UGT1A10: variants seen among roughly 807,000 people sequenced by gnomAD.
UGT1A10 encodes the protein UDP-glucuronosyltransferase 1A10.
UGT1A10 carries 49 observed loss-of-function variants against 45.8 expected under a neutral mutation model. The observed-to-expected ratio is 1.07, with a 90% CI of 0.85 to 1.36. UGT1A10 has a LOEUF of 1.36. UGT1A10 is among the 40% of genes most tolerant of loss of function. The pLI, the probability that UGT1A10 is intolerant of heterozygous loss-of-function variation, is 0.00. For missense variants in UGT1A10, 745 were observed against 668.6 expected (o/e 1.11, Z -1.26); for synonymous variants, 284 against 249.7 (o/e 1.14, Z -1.29).
In UGT1A10 at chr2:233,720,871, A is replaced by ATTTT. The variant is rs60621337; in HGVS notation, c.856-46147_856-46144dup. Among the ~76,000 whole-genome samples, 199 of 132,762 alleles carry ATTTT rather than the reference A, an allele frequency of 1.5e-3. 2 individuals carry two copies. Among genetic ancestry groups the ATTTT allele is most frequent in the African/African-American group, 3.9e-3 (137 of 34,978 alleles). 87.1% of individuals were successfully genotyped at this position (132,762 alleles called of 152,430 possible). On this transcript the variant is annotated intron_variant, in intron 1 of 4. Coordinates refer to ENST00000344644, the MANE Select transcript of UGT1A10 (RefSeq NM_019075.4). Reference sequence around the variant, plus strand: ...CAGGCATGTGCCACTGCTCCTGGCAATTTTTTTTTTTTTTTTTTTAGTAGA... The same window carrying ATTTT: ...CAGGCATGTGCCACTGCTCCTGGCAATTTTTTTTTTTTTTTTTTTTTTTAGTAGA...
chr2:233,712,950 C>A (rs2076262788), intron 1 of UGT1A10: 1 of 1,612,726 alleles, frequency 6.2e-7, no homozygotes, highest in South Asian at 1.1e-5. Context: ...CTAGGAGGCA[C>A]AACGTGGGGT....
At chr2:233,663,946 T>C (rs1398623476) in intron 1 of UGT1A10, among the ~76,000 whole-genome samples, 1 of 152,220 alleles carries the variant, frequency 6.6e-6, no homozygotes, top group East Asian at 1.9e-4. Context: ...AGTCATTTCT[T>C]TGTCCTTGCA....
At chr2:233,711,505 T>G (rs1445955965) in intron 1 of UGT1A10, among the ~76,000 whole-genome samples, 1 of 152,204 alleles carries the variant, frequency 6.6e-6, no homozygotes, top group Non-Finnish European at 1.5e-5. Context: ...AATCCCTTTC[T>G]AGCGCTCTGT....
Position 233,747,171 on chromosome 2 carries a change from A to G in UGT1A10, c.856-19863A>G, listed in dbSNP as rs1693579128. The G allele has an allele frequency of 1.1e-5, 18 of 1,596,132 alleles. No homozygotes were observed. In the South Asian group the frequency reaches 1.8e-4, roughly 16 times the overall value. ...GATGAAGAAAACAAATGTAGGAGGC[A>G]CAGCGTGGGGTGGACAGTCAGCTGT... On this transcript the variant is annotated intron_variant, in intron 1 of 4. Coordinates refer to ENST00000344644, the MANE Select transcript of UGT1A10 (RefSeq NM_019075.4).
intron 1 of UGT1A10, among the ~76,000 whole-genome samples, chr2:233,643,341 G>A (rs1208963023): frequency 6.6e-6 from 1 of 152,062 alleles, no homozygotes; most frequent in Non-Finnish European, 1.5e-5. Context: ...TGCCACCCCT[G>A]GCCATGGACA....
intron 1 of UGT1A10, chr2:233,672,531 T>C (rs756293491): frequency 6.2e-6 from 10 of 1,613,970 alleles, no homozygotes; most frequent in Middle Eastern, 1.7e-4. Flanking sequence ...GGTTCTCAGA[T>C]GCCATGACTT....
intron 1 of UGT1A10, chr2:233,672,112 C>T (rs754927853): frequency 2.5e-6 from 4 of 1,613,982 alleles, no homozygotes; most frequent in Non-Finnish European, 2.5e-6. Flanking sequence ...TGTAGTCATG[C>T]CAGAGGTGAG....
In UGT1A10 at chr2:233,760,429, C is replaced by G. The variant is rs747942373; in HGVS notation, c.856-6605C>G. 87 of 1,614,090 alleles carry G rather than the reference C, an allele frequency of 5.4e-5. No homozygotes were observed. The highest frequency in any genetic ancestry group is 6.6e-5 in the Non-Finnish European group (78 of 1,180,040). On this transcript the variant is annotated intron_variant, in intron 1 of 4. Coordinates refer to ENST00000344644, the MANE Select transcript of UGT1A10 (RefSeq NM_019075.4). The stretch of plus-strand genomic sequence containing the variant: ...CTGGCTGAGCATGCTTGGGGCCATC[C>G]AGCAGCTGCAGCAGAGGGGACATGA...
intron 1 of UGT1A10, among the ~76,000 whole-genome samples, chr2:233,745,151 G>A (rs1280914667): frequency 6.6e-6 from 1 of 151,808 alleles, no homozygotes; most frequent in African/African-American, 2.4e-5. Flanking sequence ...AGTATATGGA[G>A]GGTCAAATGT....
Position 233,769,437 on chromosome 2 carries a change from G to T in UGT1A10, c.1295+998G>T. On this transcript the variant is annotated intron_variant, in intron 4 of 4. Transcript: ENST00000344644. The surrounding 1 kb of genome is among the most constrained non-coding windows in gnomAD (Gnocchi z 4.4). ...TTTGTGCATGTGGCTGTGCTCATGT[G>T]TGGGTGCACACGTGTGCATTCATAT... 1 of 1,560,038 alleles carries T rather than the reference G, an allele frequency of 6.4e-7. No homozygotes were observed. Among genetic ancestry groups the T allele is most frequent in the Non-Finnish European group, 8.8e-7 (1 of 1,136,330 alleles).
chr2:233,697,564 T>C (rs2075398532), intron 1 of UGT1A10, among the ~76,000 whole-genome samples: 1 of 151,906 alleles, frequency 6.6e-6, no homozygotes, highest in Non-Finnish European at 1.5e-5. Flanking sequence ...TTAGCCTCAA[T>C]TTAATTTATT....
intron 1 of UGT1A10, among the ~76,000 whole-genome samples, chr2:233,642,580 C>T (rs1559321414): frequency 6.6e-6 from 1 of 152,206 alleles, no homozygotes; most frequent in Non-Finnish European, 1.5e-5. Flanking sequence ...TGCTAGCAGA[C>T]ATTCTTCAGT....
chr2:233,655,366 G>A (rs2073833041), intron 1 of UGT1A10, among the ~76,000 whole-genome samples: 1 of 152,150 alleles, frequency 6.6e-6, no homozygotes, highest in Admixed American at 6.5e-5. Flanking sequence ...CACGTCCTGG[G>A]AGACTCTTCA....
intron 1 of UGT1A10, among the ~76,000 whole-genome samples, chr2:233,724,344 CCCCCA>C (rs2077230928): frequency 6.9e-6 from 1 of 144,984 alleles, no homozygotes; most frequent in East Asian, 2.2e-4. Flanking sequence ...GGGCTGACCC[CCCCCA>C]CCTCCCTCCC....
intron 1 of UGT1A10, chr2:233,672,645 A>C (rs754009604): frequency 1.2e-6 from 2 of 1,613,786 alleles, no homozygotes; most frequent in East Asian, 2.2e-5. Context: ...TTCTCCAAAC[A>C]CCTGTTACGG....
At chr2:233,720,365 G>A (rs920594093) in intron 1 of UGT1A10, among the ~76,000 whole-genome samples, 1 of 152,064 alleles carries the variant, frequency 6.6e-6, no homozygotes, top group Admixed American at 6.5e-5. Flanking sequence ...ATGTCAAAAG[G>A]GTCTTCTACT....
At chr2:233,766,321 C>T (rs1182863859) in intron 1 of UGT1A10, among the ~76,000 whole-genome samples, 1 of 152,172 alleles carries the variant, frequency 6.6e-6, no homozygotes. Flanking sequence ...CTCAGCCAAA[C>T]TCCGCGTTGT....
intron 1 of UGT1A10, chr2:233,672,856 C>T: frequency 1.3e-6 from 2 of 1,537,258 alleles, no homozygotes; most frequent in South Asian, 1.3e-5. Flanking sequence ...GGATTCTTTA[C>T]TGAACTGTGA....
chr2:233,727,709 G>T (rs1490010404), intron 1 of UGT1A10, among the ~76,000 whole-genome samples: 2 of 152,172 alleles, frequency 1.3e-5, no homozygotes, highest in African/African-American at 4.8e-5. Flanking sequence ...AGTTCCCAAA[G>T]CCCTTGCAGA....
Sources: gnomAD v4.1 joint callset for allele counts (sites outside exome capture counted in the v4.1 genomes callset) on GRCh38, gnomAD v4.1.1 for gene constraint, Gnocchi (gnomAD v3.1) non-coding constraint, MANE v1.5 for transcripts, NCBI Gene and HGNC (gene_info 2026-07-23, HGNC 2026-07-21) for gene names.